SPPL2A: variants seen among roughly 807,000 people sequenced by gnomAD.
SPPL2A encodes signal peptide peptidase like 2A.
Under a neutral mutation model 63.8 loss-of-function variants are expected in SPPL2A, and 51 were observed. The observed-to-expected ratio is 0.80, with a 90% CI of 0.64 to 1.01. The LOEUF is 1.01. Ranked by LOEUF, SPPL2A falls within the 50% of genes least tolerant of loss-of-function variation. The probability of loss-of-function intolerance (pLI) is 0.00; values close to 1 mark genes in which losing one functional copy is unlikely to be tolerated. For missense variants in SPPL2A, 553 were observed against 622.7 expected, an observed-to-expected ratio of 0.89 and a Z score of 1.19; for synonymous variants, 188 against 205.8, an observed-to-expected ratio of 0.91 and a Z score of 0.74.
At chr15:50,761,840 G>C (rs970618241) in intron 1 of SPPL2A, among the ~76,000 whole-genome samples, 1 of 151,998 alleles carries the variant, frequency 6.6e-6, no homozygotes, top group African/African-American at 2.4e-5. Flanking sequence ...ACTGAGGCAG[G>C]AGAATTGCTA....
Position 50,732,653 on chromosome 15 carries a change from T to C in SPPL2A, c.964A>G (p.Ile322Val). ...TTAATTAAATTCAGACAGAAAGCAA[T>C]CCCCAAGATATCCTGTAAAATCCAA... ...WAWILQDILG[I>V]AFCLNLIKTL... Residue 322 changes from isoleucine to valine, a missense_variant, in exon 9 of 15, where the codon ATT becomes GTT. By Grantham distance (29) the Ile-to-Val change is conservative. Coordinates refer to ENST00000261854, the MANE Select transcript of SPPL2A (RefSeq NM_032802.4). 3 of 1,611,160 alleles carry C rather than the reference T, an allele frequency of 1.9e-6. No individual in the cohort carries two copies. Among genetic ancestry groups the C allele is most frequent in the Non-Finnish European group, 2.5e-6 (3 of 1,177,878 alleles).
chr15:50,723,473 T>C (rs570127981), intron 12 of SPPL2A, among the ~76,000 whole-genome samples: 6 of 151,104 alleles, frequency 4.0e-5, no homozygotes, highest in East Asian at 1.9e-4. Context: ...TACTATTCAG[T>C]TGGGTTTTTT....
At position 50,702,318 on chromosome 15, in the gene SPPL2A, A is replaced by C. The variant is rs1567143625; in HGVS notation, c.*5482T>G. 6.6e-6 allele frequency: 1 copy of C among 152,202 alleles called. No individual in the cohort carries two copies. The highest frequency in any genetic ancestry group is 1.5e-5 in the Non-Finnish European group (1 of 68,038). The allele number at this position is 152,202 out of a possible 1,614,324, so 9.4% of individuals were successfully genotyped here. On this transcript the variant is annotated 3_prime_UTR_variant, in exon 15 of 15. Transcript: ENST00000261854. ...TACCATAGTATATTAAATACATAAAAAATTGTTTTTCTTGTCAGTATTGGC... is the reference window on the plus strand; with the variant it reads ...TACCATAGTATATTAAATACATAAACAATTGTTTTTCTTGTCAGTATTGGC...
intron 9 of SPPL2A, 43 bp downstream of exon 9, chr15:50,732,560 T>C: frequency 1.6e-6 from 2 of 1,259,550 alleles, no homozygotes; most frequent in Non-Finnish European, 2.2e-6. Context: ...AGTTGTCTTT[T>C]AAAAATTTAT....
chr15:50,732,591 T>C lies in SPPL2A; in HGVS notation c.1014+12A>G. Reference sequence around the variant, plus strand: ...TTTATTTTAACTAGCAAAGTAGTATTGTATACATTACCTTGAAGTTGGGCA... The same window carrying C: ...TTTATTTTAACTAGCAAAGTAGTATCGTATACATTACCTTGAAGTTGGGCA... On this transcript the variant is annotated intron_variant, in intron 9 of 14. Coordinates refer to ENST00000261854, the MANE Select transcript of SPPL2A (RefSeq NM_032802.4). The C allele has an allele frequency of 6.7e-7, 1 of 1,499,734 alleles. No individual in the cohort carries two copies. Among genetic ancestry groups the C allele is most frequent in the East Asian group, 2.3e-5 (1 of 44,072 alleles). 92.9% of individuals were successfully genotyped at this position (1,499,734 alleles called of 1,614,324 possible).
intron 5 of SPPL2A, among the ~76,000 whole-genome samples, chr15:50,747,066 AC>A (rs1356204733): frequency 1.3e-5 from 2 of 152,232 alleles, no homozygotes; most frequent in African/African-American, 4.8e-5. Flanking sequence ...AAAAAGATGG[AC>A]ATTACTAACA....
chr15:50,727,949 AAGAT>A (rs1186552389), intron 10 of SPPL2A, among the ~76,000 whole-genome samples: 3 of 152,208 alleles, frequency 2.0e-5, no homozygotes, highest in Admixed American at 1.3e-4. Flanking sequence ...AGTAGGAACT[AAGAT>A]AGAAATAGGA....
chr15:50,744,544 T>A (rs2062844247), intron 5 of SPPL2A, among the ~76,000 whole-genome samples: 1 of 152,176 alleles, frequency 6.6e-6, no homozygotes, highest in African/African-American at 2.4e-5. Flanking sequence ...TCTTTTTAAT[T>A]TAGAGCCAAA....
chr15:50,739,787 C>G lies in SPPL2A; in HGVS notation c.626G>C (p.Arg209Thr). ...AGTTAAATATTCTTCCTTCTTTTTC[C>G]TCATTTCTCTATCTTCAGTTGTCAC... is the stretch of plus-strand genomic sequence containing the variant. ...KAVTTEDREM[R>T]KKKEEYLTFS... The change falls in exon 6 of 15, where the codon AGG becomes ACG. Residue 209 changes from arginine to threonine, a missense_variant. Physicochemically the swap from Arg to Thr is moderately conservative, Grantham distance 71. Coordinates refer to ENST00000261854, the MANE Select transcript of SPPL2A (RefSeq NM_032802.4). 6.2e-7 allele frequency: 1 copy of G among 1,605,314 alleles called. No homozygotes were observed. Among genetic ancestry groups the G allele is most frequent in the Non-Finnish European group, 8.5e-7 (1 of 1,177,376 alleles).
intron 2 of SPPL2A, among the ~76,000 whole-genome samples, chr15:50,749,425 C>T (rs776457182): frequency 3.3e-5 from 5 of 152,036 alleles, no homozygotes; most frequent in Non-Finnish European, 5.9e-5. Flanking sequence ...GTAGCTGGGA[C>T]TACAGGCGCC....
chr15:50,765,397 A>T, intron 1 of SPPL2A, 71 bp downstream of exon 1: 2 of 1,254,676 alleles, frequency 1.6e-6, no homozygotes, highest in Non-Finnish European at 2.1e-6. Context: ...GGAGTAGGGG[A>T]AGGGAGCCCC....
chr15:50,708,619 T>C (rs1041859114), intron 14 of SPPL2A, among the ~76,000 whole-genome samples: 2 of 150,870 alleles, frequency 1.3e-5, no homozygotes, highest in African/African-American at 4.9e-5. Flanking sequence ...GGCAGGAGAA[T>C]TGCTTGAACC....
At position 50,706,485 on chromosome 15, in the gene SPPL2A, C is replaced by T. The variant is rs1397900381; in HGVS notation, c.*1315G>A. 6.7e-6 allele frequency: 1 copy of T among 149,496 alleles called. No homozygotes were observed. Among genetic ancestry groups the T allele is most frequent in the Non-Finnish European group, 1.5e-5 (1 of 67,404 alleles). 9.3% of individuals were successfully genotyped at this position (149,496 alleles called of 1,614,324 possible). Reference sequence around the variant, plus strand: ...TCCTTGTATTGTAATTAAACTGAGACTAACACCAAGTCTCTTGCTGTTGTT... The same window carrying T: ...TCCTTGTATTGTAATTAAACTGAGATTAACACCAAGTCTCTTGCTGTTGTT... On this transcript the variant is annotated 3_prime_UTR_variant, in exon 15 of 15. Coordinates refer to ENST00000261854, the MANE Select transcript of SPPL2A (RefSeq NM_032802.4).
chr15:50,730,531 C>A (rs1484041222), intron 10 of SPPL2A, among the ~76,000 whole-genome samples: 1 of 151,998 alleles, frequency 6.6e-6, no homozygotes, highest in African/African-American at 2.4e-5. Flanking sequence ...CCTCATTCAA[C>A]GCGTTAGTAA....
intron 1 of SPPL2A, among the ~76,000 whole-genome samples, chr15:50,754,264 C>T (rs1372690242): frequency 3.3e-5 from 5 of 152,108 alleles, no homozygotes; most frequent in South Asian, 4.1e-4. Context: ...GATGAACCTC[C>T]ATTGACACAT....
At chr15:50,751,276 A>C (rs1041874794) in intron 1 of SPPL2A, among the ~76,000 whole-genome samples, 1 of 152,216 alleles carries the variant, frequency 6.6e-6, no homozygotes, top group African/African-American at 2.4e-5. Flanking sequence ...ATGATATAAC[A>C]AACTACATGC....
At chr15:50,711,302 C>T (rs776448377) in intron 14 of SPPL2A, among the ~76,000 whole-genome samples, 3 of 151,388 alleles carry the variant, frequency 2.0e-5, no homozygotes, top group Middle Eastern at 3.4e-3. Context: ...CTCCGCCTCC[C>T]GGGTTCAAGC....
At chr15:50,721,691 G>C (rs887196477) in intron 13 of SPPL2A, among the ~76,000 whole-genome samples, 1 of 150,616 alleles carries the variant, frequency 6.6e-6, no homozygotes, top group Non-Finnish European at 1.5e-5. Flanking sequence ...TGCAACCTCT[G>C]CCTCCCAGGT....
At chr15:50,748,918 C>A in intron 2 of SPPL2A, 48 bp from the exon 3 acceptor site, 1 of 1,255,246 alleles carries the variant, frequency 8.0e-7, no homozygotes, top group South Asian at 1.5e-5. Flanking sequence ...CTATTTCATC[C>A]TAAATGCATT....
Sources: gnomAD v4.1 joint callset for allele counts (sites outside exome capture counted in the v4.1 genomes callset) on GRCh38, gnomAD v4.1.1 for gene constraint, MANE v1.5 for transcripts, NCBI Gene and HGNC (gene_info 2026-07-23, HGNC 2026-07-21) for gene names.